Variants in AKAP7 observed in about 807,000 individuals in gnomAD.
AKAP7 encodes the protein A kinase (PRKA) anchor protein 7.
Under a neutral mutation model 39.5 loss-of-function variants are expected in AKAP7, and 39 were observed. The observed-to-expected ratio is 0.99, with a 90% confidence interval of 0.76 to 1.29. The LOEUF is 1.29. AKAP7 is among the 50% of genes most tolerant of loss of function. The probability of loss-of-function intolerance (pLI) is 0.00; values close to 1 mark genes in which losing one functional copy is unlikely to be tolerated. For missense variants in AKAP7, 414 were observed against 407.7 expected, an observed-to-expected ratio of 1.02 and a Z score of -0.13; for synonymous variants, 140 against 139.1, an observed-to-expected ratio of 1.01 and a Z score of -0.05.
At position 131,241,624 on chromosome 6, in the gene AKAP7, T is replaced by TAC. The variant is rs1562238154; in HGVS notation, c.850+21816_850+21817insAC. Among the ~76,000 whole-genome samples, 68 of 132,730 alleles carry TAC rather than the reference T, an allele frequency of 5.1e-4. 2 individuals are homozygous for TAC. Among genetic ancestry groups the TAC allele is most frequent in the South Asian group, 9.4e-4 (4 of 4,268 alleles). The allele number at this position is 132,730 out of a possible 152,430, so 87.1% of individuals were successfully genotyped here. A position where few individuals can be genotyped will look rare whatever the true frequency, so the allele number is the denominator to read the frequency against. ...GTGTGTGTGTGTGTGTGTGTGTGTG[T>TAC]GTGTATATATATATGACAGTTATAG... On this transcript the variant is annotated intron_variant, in intron 7 of 7. Coordinates refer to ENST00000431975, the MANE Select transcript of AKAP7 (RefSeq NM_016377.4).
At chr6:131,232,264 C>G (rs1014157869) in intron 7 of AKAP7, among the ~76,000 whole-genome samples, 1 of 152,060 alleles carries the variant, frequency 6.6e-6, no homozygotes, top group African/African-American at 2.4e-5. Context: ...ATTTGTGGAG[C>G]CTTCAGTTGG....
chr6:131,241,611 G>GTATATACGTATATATATATA (rs1162098710), intron 7 of AKAP7, among the ~76,000 whole-genome samples: 8 of 99,730 alleles, frequency 8.0e-5, no homozygotes, highest in South Asian at 3.0e-4. Flanking sequence ...GTGTGTGTGT[G>GTATATACGTATATATATATA]TGTGTGTGTG....
intron 6 of AKAP7, among the ~76,000 whole-genome samples, chr6:131,207,677 G>T (rs1321259679): frequency 1.3e-5 from 2 of 151,558 alleles, no homozygotes; most frequent in Admixed American, 6.6e-5. Context: ...GAGAAATCCT[G>T]TCAATACCAA....
chr6:131,131,103 C>A (rs1800318206), upstream of AKAP7, among the ~76,000 whole-genome samples: 1 of 152,140 alleles, frequency 6.6e-6, no homozygotes, highest in Non-Finnish European at 1.5e-5. Context: ...AAGTGACTGA[C>A]AAATCCAGTT....
intron 4 of AKAP7, among the ~76,000 whole-genome samples, chr6:131,167,505 C>G (rs1441564863): frequency 6.6e-6 from 1 of 152,144 alleles, no homozygotes; most frequent in African/African-American, 2.4e-5. Context: ...GTTCTGTTAT[C>G]ACATGCTTTA....
rs576120526 is a variant in AKAP7 at position 131,263,086 on chromosome 6, G to T, written c.851-18444G>T. Among the ~76,000 whole-genome samples the T allele has an allele frequency of 2.0e-5, 3 of 152,330 alleles. No homozygotes were observed. In the South Asian group the frequency reaches 6.2e-4, roughly 32 times the overall value. On this transcript the variant is annotated intron_variant, in intron 7 of 7. Transcript: ENST00000431975. ...TCAGCAGAAACAGAAAAGGGCAGTA[G>T]AGCCAAGGCAGTGAGAGGATAGATG...
intron 7 of AKAP7, among the ~76,000 whole-genome samples, chr6:131,264,286 C>T (rs1813599509): frequency 6.6e-6 from 1 of 152,124 alleles, no homozygotes; most frequent in African/African-American, 2.4e-5. Flanking sequence ...GAACTTGATT[C>T]AGTTTGGTGC....
At chr6:131,248,273 T>C (rs923295580) in intron 7 of AKAP7, among the ~76,000 whole-genome samples, 1 of 152,214 alleles carries the variant, frequency 6.6e-6, no homozygotes, top group Non-Finnish European at 1.5e-5. Context: ...GAATTACAGA[T>C]AAAGATATCA....
At chr6:131,216,673 G>A (rs112110311) in intron 6 of AKAP7, among the ~76,000 whole-genome samples, 1 of 152,010 alleles carries the variant, frequency 6.6e-6, no homozygotes, top group Non-Finnish European at 1.5e-5. Context: ...TCTGTTTGAC[G>A]TTTCTTACCA....
the AKAP7 span, among the ~76,000 whole-genome samples, chr6:131,128,921 A>G: frequency 2.0e-5 from 3 of 152,174 alleles, no homozygotes; most frequent in Non-Finnish European, 4.4e-5. Flanking sequence ...ACTGAGATGA[A>G]TTTAAATGAG....
At chr6:131,215,639 G>A (rs550517899) in intron 6 of AKAP7, among the ~76,000 whole-genome samples, 3 of 152,338 alleles carry the variant, frequency 2.0e-5, no homozygotes, top group Non-Finnish European at 4.4e-5. Context: ...AGAACTTTAA[G>A]ATTTGCCAGG....
chr6:131,168,759 T>C (rs781174602), intron 4 of AKAP7, among the ~76,000 whole-genome samples: 5 of 152,204 alleles, frequency 3.3e-5, no homozygotes, highest in Non-Finnish European at 5.9e-5. Flanking sequence ...CATAATCTAA[T>C]GTAAGCTCTT....
chr6:131,199,522 A>C lies in AKAP7; in HGVS notation c.651A>C (p.Lys217Asn), dbSNP rs753373278. 13 of 1,611,768 alleles carry C rather than the reference A, an allele frequency of 8.1e-6. No homozygotes were observed. The African/African-American group carries it at 1.7e-4, about 22-fold the overall frequency. Residue 217 changes from lysine to asparagine, a missense_variant, in exon 6 of 8, where the codon AAA becomes AAC. Coordinates refer to ENST00000431975, the MANE Select transcript of AKAP7 (RefSeq NM_016377.4). ...TGGTAGGAGAGAGCAGAAGTTTTAA[A>C]CCTCATTTGACCTTCATGAAGTTGT... ...GILVGESRSF[K>N]PHLTFMKLSK...
chr6:131,156,825 T>C (rs1475873187), intron 2 of AKAP7, among the ~76,000 whole-genome samples: 1 of 151,048 alleles, frequency 6.6e-6, no homozygotes, highest in African/African-American at 2.4e-5. Flanking sequence ...CAGGCTGGAG[T>C]GTGCAGTGGT....
At chr6:131,257,605 C>A (rs140207861) in intron 7 of AKAP7, among the ~76,000 whole-genome samples, 21 of 152,242 alleles carry the variant, frequency 1.4e-4, no homozygotes, top group Middle Eastern at 3.4e-3. Flanking sequence ...GTGGTCCTAG[C>A]AAAGTCAACC....
intron 7 of AKAP7, among the ~76,000 whole-genome samples, chr6:131,245,358 C>G (rs1316628646): frequency 6.6e-6 from 1 of 151,620 alleles, no homozygotes; most frequent in Non-Finnish European, 1.5e-5. Flanking sequence ...AATTCTCCTG[C>G]CTCAGCATCC....
intron 7 of AKAP7, chr6:131,241,977 A>T: frequency 1.2e-6 from 1 of 867,708 alleles, no homozygotes; most frequent in Non-Finnish European, 1.4e-6. Flanking sequence ...GGCTAAAGAA[A>T]CACAGAGTAT....
intron 7 of AKAP7, among the ~76,000 whole-genome samples, chr6:131,239,576 T>G (rs1811356775): frequency 6.6e-6 from 1 of 152,200 alleles, no homozygotes; most frequent in Non-Finnish European, 1.5e-5. Context: ...TTTCACATAG[T>G]GCCATATTTC....
intron 7 of AKAP7, among the ~76,000 whole-genome samples, chr6:131,220,467 A>C (rs1357502853): frequency 6.6e-6 from 1 of 152,164 alleles, no homozygotes; most frequent in African/African-American, 2.4e-5. Flanking sequence ...CTCTGTTGTG[A>C]TTCAGATTTA....
Sources: allele counts gnomAD v4.1 joint callset (sites outside exome capture counted in the v4.1 genomes callset), GRCh38; gene constraint gnomAD v4.1.1; transcripts MANE v1.5; gene names NCBI Gene and HGNC (gene_info 2026-07-23, HGNC 2026-07-21).